The following CLVS1 variants were observed in gnomAD, a reference collection of about 807,000 sequenced individuals.
The protein encoded by CLVS1 is clavesin-1.
In CLVS1, 10 loss-of-function variants were observed where a neutral mutation model predicts 33.1. That is an observed-to-expected ratio of 0.30 (90% confidence interval 0.19 to 0.51). The LOEUF (loss-of-function observed/expected upper bound fraction) is 0.51, where lower values mean the gene tolerates loss of function less well. CLVS1 is among the 20% of genes least tolerant of loss of function. CLVS1 has a pLI of 0.97. For missense variants in CLVS1, 343 were observed against 433.4 expected, an observed-to-expected ratio of 0.79 and a Z score of 1.85; for synonymous variants, 163 against 166.1, an observed-to-expected ratio of 0.98 and a Z score of 0.14.
chr8:61,421,765 G>A (rs1349527705), intron 3 of CLVS1, among the ~76,000 whole-genome samples: 9 of 152,082 alleles, frequency 5.9e-5, no homozygotes, highest in African/African-American at 2.2e-4. Flanking sequence ...ACATGCTGTT[G>A]CTGCCTTTTC....
chr8:61,226,980 G>GTTTTTTTTTTTTTTTTTTTT (rs55718731), intron 2 of CLVS1, among the ~76,000 whole-genome samples: 3 of 132,310 alleles, frequency 2.3e-5, no homozygotes, highest in Non-Finnish European at 4.7e-5. Flanking sequence ...ACGAAAACAT[G>GTTTTTTTTTTTTTTTTTTTT]TTTTTTTTTT....
intron 5 of CLVS1, among the ~76,000 whole-genome samples, chr8:61,469,567 G>C (rs1329382405): frequency 6.6e-6 from 1 of 152,238 alleles, no homozygotes; most frequent in Admixed American, 6.5e-5. Context: ...AATAGAATTA[G>C]CTGTGACCTT....
chr8:61,328,354 T>G (rs1396611437), intron 2 of CLVS1, among the ~76,000 whole-genome samples: 3 of 151,940 alleles, frequency 2.0e-5, no homozygotes, highest in African/African-American at 7.3e-5. Context: ...TCTAATGGGG[T>G]ATGTTTTGTG....
chr8:61,323,403 T>C (rs1385051107), intron 2 of CLVS1, among the ~76,000 whole-genome samples: 3 of 152,174 alleles, frequency 2.0e-5, no homozygotes, highest in Non-Finnish European at 2.9e-5. Context: ...ATTCCACCTC[T>C]TGAGGGAGGA....
At chr8:61,385,164 A>G (rs963050927) in intron 3 of CLVS1, among the ~76,000 whole-genome samples, 6 of 152,202 alleles carry the variant, frequency 3.9e-5, no homozygotes, top group Admixed American at 3.3e-4. Flanking sequence ...CACGAGAAGA[A>G]TATATTAAGG....
At chr8:61,016,972 G>A in the CLVS1 span, among the ~76,000 whole-genome samples, 1 of 152,148 alleles carries the variant, frequency 6.6e-6, no homozygotes, top group Non-Finnish European at 1.5e-5. Flanking sequence ...TCTCCCTTAC[G>A]GCAATGTGGT....
intron 2 of CLVS1, chr8:61,202,714 G>T: frequency 1.3e-6 from 2 of 1,573,760 alleles, no homozygotes; most frequent in Non-Finnish European, 1.7e-6. Context: ...TGTGGAGGAA[G>T]ATGCAGAGTC....
intron 2 of CLVS1, among the ~76,000 whole-genome samples, chr8:61,364,737 C>T (rs1183656739): frequency 6.6e-6 from 1 of 152,178 alleles, no homozygotes; most frequent in Admixed American, 6.5e-5. Context: ...ATTTTAGAGG[C>T]TTAAGGCTTC....
intron 1 of CLVS1, among the ~76,000 whole-genome samples, chr8:61,129,990 C>T (rs960387531): frequency 1.3e-5 from 2 of 152,126 alleles, no homozygotes; most frequent in African/African-American, 4.8e-5. Flanking sequence ...GTAATCCCAG[C>T]ACTTTGGGAG....
At chr8:61,287,582 T>C (rs866920156), upstream of CLVS1, among the ~76,000 whole-genome samples, 2 of 152,214 alleles carry the variant, frequency 1.3e-5, no homozygotes, top group African/African-American at 4.8e-5. Context: ...TTTTTAAATT[T>C]TATGTTTTTG....
At chr8:61,110,085 G>C in intron 1 of CLVS1, among the ~76,000 whole-genome samples, 1 of 152,198 alleles carries the variant, frequency 6.6e-6, no homozygotes, top group South Asian at 2.1e-4. Flanking sequence ...AGCGTTGGCT[G>C]CTAATGGTGC....
chr8:61,446,211 C>G (rs2129606528), intron 3 of CLVS1, among the ~76,000 whole-genome samples: 1 of 152,022 alleles, frequency 6.6e-6, no homozygotes, highest in Admixed American at 6.6e-5. Context: ...CTTTATTTTG[C>G]TCTTCTCTTT....
At chr8:61,405,003 T>A (rs1434909409) in intron 3 of CLVS1, among the ~76,000 whole-genome samples, 21 of 152,226 alleles carry the variant, frequency 1.4e-4, no homozygotes, top group Admixed American at 1.4e-3. Flanking sequence ...CAACTGTGGC[T>A]CCACTCAATG....
At chr8:61,418,735 G>C (rs1389009783) in intron 3 of CLVS1, among the ~76,000 whole-genome samples, 1 of 152,184 alleles carries the variant, frequency 6.6e-6, no homozygotes, top group Non-Finnish European at 1.5e-5. Flanking sequence ...AAGATGATCA[G>C]GTAGCTTGGA....
chr8:61,297,296 G>A (rs1461933028), intron 1 of CLVS1, among the ~76,000 whole-genome samples: 1 of 152,116 alleles, frequency 6.6e-6, no homozygotes, highest in Non-Finnish European at 1.5e-5. Context: ...TGCAGAGAAC[G>A]GACTGGCAGC....
At chr8:61,244,211 A>G (rs915216986) in intron 2 of CLVS1, among the ~76,000 whole-genome samples, 1 of 152,114 alleles carries the variant, frequency 6.6e-6, no homozygotes, top group African/African-American at 2.4e-5. Context: ...TTAGTTCAAA[A>G]TACTTTTAAA....
rs555106139 is a variant in CLVS1, at chr8:61,455,336, G to T, written c.741+1085G>T. 2.6e-5 allele frequency among the ~76,000 whole-genome samples: 4 copies of T among 152,080 alleles called. No individual in the cohort carries two copies. The East Asian group carries it at 7.7e-4, about 29-fold the overall frequency. On this transcript the variant is annotated intron_variant, in intron 4 of 5. Coordinates refer to ENST00000325897, the MANE Select transcript of CLVS1 (RefSeq NM_173519.3). ...TCTCATCCTATATAACTGAAACTTT[G>T]TCCTCTTTTTCCAGTGTCTCTCCAT...
intron 2 of CLVS1, among the ~76,000 whole-genome samples, chr8:61,317,475 C>G (rs1010547392): frequency 1.3e-5 from 2 of 152,092 alleles, no homozygotes; most frequent in African/African-American, 4.8e-5. Flanking sequence ...TTTTTATCCC[C>G]TAGGATTAAT....
the CLVS1 span, among the ~76,000 whole-genome samples, chr8:60,996,015 A>G: frequency 5.9e-5 from 9 of 151,902 alleles, no homozygotes; most frequent in African/African-American, 1.9e-4. Flanking sequence ...ACTGTTGTGG[A>G]GTGGGGGTAG....
Sources: gnomAD v4.1 joint callset for allele counts (sites outside exome capture counted in the v4.1 genomes callset) on GRCh38, gnomAD v4.1.1 for gene constraint, MANE v1.5 for transcripts, NCBI Gene and HGNC (gene_info 2026-07-23, HGNC 2026-07-21) for gene names.